The following PRIMPOL variants were observed in gnomAD, a reference collection of about 807,000 sequenced individuals.
The protein encoded by PRIMPOL is DNA-directed primase/polymerase protein.
PRIMPOL carries 54 observed loss-of-function variants against 63.6 expected under a neutral mutation model. The observed-to-expected ratio is 0.85, with a 90% CI of 0.68 to 1.07. PRIMPOL has a LOEUF of 1.07. PRIMPOL is among the 50% of genes least tolerant of loss of function. PRIMPOL has a pLI of 0.00. For synonymous variants in PRIMPOL, 197 were observed against 220.2 expected, an observed-to-expected ratio of 0.89 and a Z score of 0.93; for missense variants, 610 against 648.3, an observed-to-expected ratio of 0.94 and a Z score of 0.64.
At chr4:184,668,783 T>C (rs1219740747) in intron 6 of PRIMPOL, among the ~76,000 whole-genome samples, 1 of 152,152 alleles carries the variant, frequency 6.6e-6, no homozygotes, top group Non-Finnish European at 1.5e-5. Flanking sequence ...TCATCTCCTC[T>C]ATTCTACTTA....
In PRIMPOL at chr4:184,657,168, A is replaced by T; in HGVS notation, c.28A>T (p.Lys10Ter). 1 of 1,610,778 alleles carries T rather than the reference A, an allele frequency of 6.2e-7. No individual in the cohort carries two copies. The highest frequency in any genetic ancestry group is 2.2e-5 in the East Asian group (1 of 44,696). Residue 10 changes from lysine (K) to a stop codon, truncating the protein, a stop_gained, in exon 3 of 14, where the codon AAG becomes TAG. Transcript: ENST00000314970. LOFTEE classifies it high-confidence loss of function. The part of the protein sequence containing the change: MNRKWEAKL[K>*]QIEERASHYE... ...GAATAGAAAATGGGAAGCAAAACTG[A>T]AGCAAATTGAAGAACGAGCATCTCA... is the stretch of plus-strand genomic sequence containing the variant.
In PRIMPOL at chr4:184,661,980, A is replaced by G. The variant is rs1204217533; in HGVS notation, c.408+77A>G. ...TATTCATTCAGTGAATTCAGCCTAC[A>G]TAATAGTAGGTTCTGTATCTCTTCT... On this transcript the variant is annotated intron_variant, in intron 5 of 13. Coordinates refer to ENST00000314970, the MANE Select transcript of PRIMPOL (RefSeq NM_152683.4). The G allele has an allele frequency of 1.2e-5, 16 of 1,353,882 alleles. 1 individual carries two copies. The South Asian group carries it at 1.4e-4, about 11-fold the overall frequency. The allele number at this position is 1,353,882 out of a possible 1,614,324, so 83.9% of individuals were successfully genotyped here.
rs148392022 is a variant in PRIMPOL, at chr4:184,653,711, T to C, written c.-60+1611T>C. On this transcript the variant is annotated intron_variant, in intron 2 of 13. Transcript: ENST00000314970. ...TCGGAACTTGGAAACTTACCAAAAATAGTTACAGTCCCTGAGTGGAAAGGA... is the reference window on the plus strand; with the variant it reads ...TCGGAACTTGGAAACTTACCAAAAACAGTTACAGTCCCTGAGTGGAAAGGA... Among the ~76,000 whole-genome samples, 363 of 152,190 alleles carry C rather than the reference T, an allele frequency of 2.4e-3. 6 individuals carry two copies. The South Asian group carries it at 0.038, about 16-fold the overall frequency.
chr4:184,673,997 A>G (rs892006140), intron 7 of PRIMPOL, among the ~76,000 whole-genome samples: 3 of 152,156 alleles, frequency 2.0e-5, no homozygotes, highest in African/African-American at 7.2e-5. Flanking sequence ...CCAGAATATC[A>G]TCTCCGGGTG....
chr4:184,681,156 A>G (rs1293254163), intron 8 of PRIMPOL, among the ~76,000 whole-genome samples: 1 of 152,206 alleles, frequency 6.6e-6, no homozygotes, highest in East Asian at 1.9e-4. Context: ...TTCTTGAAAT[A>G]AAGGCTAAAT....
chr4:184,666,966 AG>A (rs1350023330), intron 6 of PRIMPOL, among the ~76,000 whole-genome samples: 1 of 152,244 alleles, frequency 6.6e-6, no homozygotes, highest in Non-Finnish European at 1.5e-5. Flanking sequence ...TGCTTATCAA[AG>A]CAGGGGTGGG....
Position 184,672,340 on chromosome 4 carries a change from A to G in PRIMPOL, c.724A>G (p.Ser242Gly), listed in dbSNP as rs1382180523. ...KMFTEKATEE[S>G]WTSNSKKLER... is the part of the protein sequence containing the mutation. ...GTTCACAGAAAAGGCTACAGAGGAA[A>G]GCTGGACATCGAATTCAAAGAAACT... The change falls in exon 7 of 14, where the codon AGC becomes GGC. Residue 242 changes from serine to glycine, a missense_variant. By Grantham distance (56) the Ser-to-Gly change is moderately conservative (BLOSUM62 0). Around this residue, in one of 3 missense-constraint regions of PRIMPOL, gnomAD observed 444 missense variants for 456.4 expected, o/e 0.97. Coordinates refer to ENST00000314970, the MANE Select transcript of PRIMPOL (RefSeq NM_152683.4). 2.5e-6 allele frequency: 4 copies of G among 1,614,190 alleles called. No homozygotes were observed. The highest frequency in any genetic ancestry group is 3.3e-5 in the Admixed American group (2 of 60,020).
At chr4:184,652,187 A>T (rs1164172321) in intron 2 of PRIMPOL, 87 bp downstream of exon 2, 1 of 152,240 alleles carries the variant, frequency 6.6e-6, no homozygotes, top group Non-Finnish European at 1.5e-5. Context: ...ATTTGGTGAG[A>T]TGGTGGAAGA....
At chr4:184,670,856 C>T (rs1435710919) in intron 6 of PRIMPOL, among the ~76,000 whole-genome samples, 1 of 151,926 alleles carries the variant, frequency 6.6e-6, no homozygotes, top group Non-Finnish European at 1.5e-5. Flanking sequence ...GCTGAGTAGG[C>T]AAGTAATTAA....
chr4:184,690,697 T>C (rs772450127), intron 11 of PRIMPOL, among the ~76,000 whole-genome samples: 1 of 152,196 alleles, frequency 6.6e-6, no homozygotes, highest in Non-Finnish European at 1.5e-5. Context: ...AGTTCGTTGT[T>C]TTCCACGTTA....
intron 11 of PRIMPOL, among the ~76,000 whole-genome samples, chr4:184,686,184 C>T (rs116719275): frequency 0.029 from 4,420 of 152,232 alleles, 219 homozygotes; most frequent in African/African-American, 0.1. Flanking sequence ...TTGCTTCTAG[C>T]ATGTCAGCTT....
At chr4:184,679,583 T>G (rs1178088719) in intron 8 of PRIMPOL, among the ~76,000 whole-genome samples, 1 of 152,244 alleles carries the variant, frequency 6.6e-6, no homozygotes, top group African/African-American at 2.4e-5. Flanking sequence ...TAATGTGTGA[T>G]GAATCCAGTT....
At position 184,682,233 on chromosome 4, in the gene PRIMPOL, CTATTTCT is replaced by C. The variant is rs765685809; in HGVS notation, c.1008-13_1008-7del. 2.8e-6 allele frequency: 4 copies of C among 1,442,588 alleles called. No individual in the cohort carries two copies. The highest frequency in any genetic ancestry group is 2.3e-5 in the South Asian group (2 of 85,150). The allele number at this position is 1,442,588 out of a possible 1,614,324, so 89.4% of individuals were successfully genotyped here. The stretch of plus-strand genomic sequence containing the variant: ...TGTGATGGTGCTTTGTTTCTTTTAC[CTATTTCT>C]TCTTCAGGTTCTCAGATACTTTACG... On this transcript the variant is annotated splice_region_variant and splice_polypyrimidine_tract_variant and intron_variant, in intron 8 of 13. Transcript: ENST00000314970.
At position 184,678,219 on chromosome 4, in the gene PRIMPOL, A is replaced by G. The variant is rs761963472; in HGVS notation, c.845-13A>G. ...AACATGCTTTCATATTGTTTTATCA[A>G]TTTTTGATGTAGGAGTTTATACAAG... On this transcript the variant is annotated splice_polypyrimidine_tract_variant and intron_variant, in intron 7 of 13. Coordinates refer to ENST00000314970, the MANE Select transcript of PRIMPOL (RefSeq NM_152683.4). 1.2e-5 allele frequency: 18 copies of G among 1,521,700 alleles called. No homozygotes were observed. Among genetic ancestry groups the G allele is most frequent in the Non-Finnish European group, 1.4e-5 (16 of 1,131,278 alleles). 94.3% of individuals were successfully genotyped at this position (1,521,700 alleles called of 1,614,324 possible). A position where few individuals can be genotyped will look rare whatever the true frequency, so the allele number is the denominator to read the frequency against.
chr4:184,663,017 CTTT>C (rs1748793845), intron 5 of PRIMPOL, among the ~76,000 whole-genome samples: 1 of 76,850 alleles, frequency 1.3e-5, no homozygotes, highest in African/African-American at 4.6e-5. Context: ...AATTTTAAAC[CTTT>C]ATTATTATTA....
intron 7 of PRIMPOL, among the ~76,000 whole-genome samples, chr4:184,675,473 C>A (rs747449580): frequency 2.0e-5 from 3 of 152,060 alleles, no homozygotes; most frequent in African/African-American, 7.2e-5. Flanking sequence ...TTAGGCTATA[C>A]GGTTCATCTG....
chr4:184,667,024 T>A (rs1405122093), intron 6 of PRIMPOL, among the ~76,000 whole-genome samples: 1 of 152,164 alleles, frequency 6.6e-6, no homozygotes, highest in African/African-American at 2.4e-5. Flanking sequence ...AGGTAACAGG[T>A]AATTCAGTTC....
intron 7 of PRIMPOL, 107 bp downstream of exon 7, chr4:184,672,567 C>A: frequency 1.8e-6 from 2 of 1,085,090 alleles, no homozygotes; most frequent in Middle Eastern, 2.1e-4. Context: ...TCCTCCACTG[C>A]CCAAGTCGCC....
chr4:184,694,663 T>C lies in PRIMPOL; in HGVS notation c.1567T>C (p.Leu523=), dbSNP rs1228621446. 1.1e-5 allele frequency: 17 copies of C among 1,614,066 alleles called. No homozygotes were observed. The highest frequency in any genetic ancestry group is 1.7e-5 in the Admixed American group (1 of 60,004). Residue 523 remains leucine (L), a synonymous_variant, in exon 14 of 14, where the codon TTA becomes CTA. Transcript: ENST00000314970. ...WDNGIDDAYF[L]EATEDAELAE... is the part of the protein sequence containing the mutation. Reference sequence around the variant, plus strand: ...TAATGGCATTGATGATGCTTATTTTTTAGAAGCTACTGAAGATGCTGAATT... The same window carrying C: ...TAATGGCATTGATGATGCTTATTTTCTAGAAGCTACTGAAGATGCTGAATT...
Sources: gnomAD v4.1 joint callset for allele counts (sites outside exome capture counted in the v4.1 genomes callset) on GRCh38, gnomAD v4.1.1 for gene constraint, gnomAD v4.1.1 regional missense constraint, MANE v1.5 for transcripts, NCBI Gene and HGNC (gene_info 2026-07-23, HGNC 2026-07-21) for gene names.